The following CCDC141 variants were observed in gnomAD, a reference collection of about 807,000 sequenced individuals.
CCDC141 encodes the protein coiled-coil domain-containing protein 141.
Under a neutral mutation model 181.0 loss-of-function variants are expected in CCDC141, and 168 were observed. The observed-to-expected ratio is 0.93, with a 90% CI of 0.82 to 1.05. CCDC141 has a LOEUF of 1.05. Among genes scored for constraint, CCDC141 ranks in the 50% least tolerant of loss-of-function variants. The pLI is 0.00. For missense variants in CCDC141, 1,902 were observed against 1,788.5 expected (o/e 1.06, Z -1.14); for synonymous variants, 666 against 642.3 (o/e 1.04, Z -0.56).
intron 2 of CCDC141, among the ~76,000 whole-genome samples, chr2:179,041,680 CAA>C (rs2043312335): frequency 1.3e-5 from 2 of 151,758 alleles, no homozygotes; most frequent in Non-Finnish European, 2.9e-5. Context: ...ATCTCACATG[CAA>C]AGACTCACAT....
At chr2:178,910,899 G>A (rs1688191153) in intron 7 of CCDC141, among the ~76,000 whole-genome samples, 1 of 152,128 alleles carries the variant, frequency 6.6e-6, no homozygotes, top group South Asian at 2.1e-4. Context: ...AAGAGGTTTG[G>A]GATTGAAAGT....
chr2:179,037,710 A>G (rs2154387561), intron 2 of CCDC141, among the ~76,000 whole-genome samples: 1 of 152,330 alleles, frequency 6.6e-6, no homozygotes, highest in South Asian at 2.1e-4. Flanking sequence ...ATATTTCACC[A>G]AAAAAGATAT....
Position 178,829,856 on chromosome 2 carries a change from G to A in CCDC141, c.*4317C>T, listed in dbSNP as rs966310745. ...AGGAGTTTCAAAAGCTTCAGATGGT[G>A]ATTTTTAGTAAGAAATGGTCATGAA... On this transcript the variant is annotated 3_prime_UTR_variant, in exon 24 of 24. Coordinates refer to ENST00000443758, the MANE Select transcript of CCDC141 (RefSeq NM_173648.4). 1.3e-5 allele frequency: 2 copies of A among 152,220 alleles called. No individual in the cohort carries two copies. Among genetic ancestry groups the A allele is most frequent in the East Asian group, 3.8e-4 (2 of 5,196 alleles). 9.4% of individuals were successfully genotyped at this position (152,220 alleles called of 1,614,324 possible). A position where few individuals can be genotyped will look rare whatever the true frequency, so the allele number is the denominator to read the frequency against.
chr2:179,024,631 T>C (rs1394970402), intron 2 of CCDC141, among the ~76,000 whole-genome samples: 1 of 152,128 alleles, frequency 6.6e-6, no homozygotes, highest in African/African-American at 2.4e-5. Flanking sequence ...CAAGAAGGTT[T>C]CAGAGAGCAA....
intron 4 of CCDC141, among the ~76,000 whole-genome samples, chr2:178,965,320 C>T (rs1437702191): frequency 1.3e-5 from 2 of 152,170 alleles, no homozygotes; most frequent in African/African-American, 4.8e-5. Context: ...CAAAAAACAT[C>T]CACGATTGCT....
chr2:178,918,220 C>A (rs758696680), intron 7 of CCDC141, among the ~76,000 whole-genome samples: 3 of 151,616 alleles, frequency 2.0e-5, no homozygotes, highest in Non-Finnish European at 4.4e-5. Flanking sequence ...GGCCAGCCTG[C>A]ACAACATAGC....
chr2:178,826,418 A>G (rs1017032332), downstream of CCDC141, among the ~76,000 whole-genome samples: 5 of 152,168 alleles, frequency 3.3e-5, no homozygotes, highest in African/African-American at 1.2e-4. Flanking sequence ...TGGTTTTACT[A>G]TTAGCATAAT....
chr2:178,821,102 A>ATGT, the CCDC141 span, among the ~76,000 whole-genome samples: 1 of 151,724 alleles, frequency 6.6e-6, no homozygotes, highest in African/African-American at 2.4e-5. Flanking sequence ...TTCATCAACT[A>ATGT]GCTATATTCC....
At chr2:178,969,613 T>G (rs924741186) in intron 4 of CCDC141, among the ~76,000 whole-genome samples, 2 of 152,156 alleles carry the variant, frequency 1.3e-5, no homozygotes, top group Non-Finnish European at 2.9e-5. Flanking sequence ...TAGGTATCAA[T>G]GGAATGTATC....
intron 2 of CCDC141, among the ~76,000 whole-genome samples, chr2:179,020,607 G>A (rs2042667692): frequency 1.3e-5 from 2 of 152,168 alleles, no homozygotes; most frequent in South Asian, 2.1e-4. Context: ...AGCTCAGCCA[G>A]TTAATAAACC....
intron 8 of CCDC141, among the ~76,000 whole-genome samples, chr2:178,892,620 A>G (rs1046340318): frequency 6.6e-6 from 1 of 152,180 alleles, no homozygotes; most frequent in Non-Finnish European, 1.5e-5. Flanking sequence ...AAGTTCTGAA[A>G]CATTTTAAAA....
intron 5 of CCDC141, among the ~76,000 whole-genome samples, chr2:178,957,208 G>T (rs919017677): frequency 6.6e-6 from 1 of 152,210 alleles, no homozygotes; most frequent in Non-Finnish European, 1.5e-5. Context: ...TTTAATCACA[G>T]AGAGGGAGGG....
chr2:178,941,787 T>C (rs1689523882), intron 6 of CCDC141, among the ~76,000 whole-genome samples: 1 of 132,254 alleles, frequency 7.6e-6, no homozygotes, highest in South Asian at 2.3e-4. Flanking sequence ...ACCCCGTCTC[T>C]ACAAAAAAAA....
chr2:178,919,768 G>T (rs1398471169), intron 6 of CCDC141, among the ~76,000 whole-genome samples: 1 of 152,140 alleles, frequency 6.6e-6, no homozygotes, highest in African/African-American at 2.4e-5. Flanking sequence ...AAAGGTAATT[G>T]TGGTTTTTGC....
At chr2:178,844,742 T>A (rs529832333) in intron 22 of CCDC141, among the ~76,000 whole-genome samples, 1 of 152,336 alleles carries the variant, frequency 6.6e-6, no homozygotes, top group Non-Finnish European at 1.5e-5. Context: ...AAATAACTGT[T>A]ACAAATGGAG....
intron 22 of CCDC141, among the ~76,000 whole-genome samples, chr2:178,843,765 A>G (rs1029140709): frequency 6.6e-6 from 1 of 152,198 alleles, no homozygotes; most frequent in African/African-American, 2.4e-5. Flanking sequence ...ATCTGCCCAC[A>G]TGGGGTTGTG....
intron 2 of CCDC141, among the ~76,000 whole-genome samples, chr2:178,996,699 T>A (rs879575074): frequency 1.3e-5 from 2 of 152,224 alleles, no homozygotes; most frequent in African/African-American, 2.4e-5. Context: ...CAATATTTCG[T>A]TGGGACTCTC....
At chr2:178,887,854 G>C (rs912700254) in intron 9 of CCDC141, among the ~76,000 whole-genome samples, 2 of 152,120 alleles carry the variant, frequency 1.3e-5, no homozygotes, top group Admixed American at 6.6e-5. Context: ...AGATTCATTA[G>C]CATCAATGCC....
intron 14 of CCDC141, among the ~76,000 whole-genome samples, chr2:178,870,665 C>A (rs1487663357): frequency 2.0e-5 from 3 of 152,104 alleles, no homozygotes; most frequent in Non-Finnish European, 4.4e-5. Flanking sequence ...CTTAAAGGAA[C>A]CTACAATTAG....
Sources: gnomAD v4.1 joint callset for allele counts (sites outside exome capture counted in the v4.1 genomes callset) on GRCh38, gnomAD v4.1.1 for gene constraint, MANE v1.5 for transcripts, NCBI Gene and HGNC (gene_info 2026-07-23, HGNC 2026-07-21) for gene names.